SH3GLB1: variants seen among roughly 807,000 people sequenced by gnomAD.
SH3GLB1 encodes endophilin-B1.
A neutral mutation model predicts 42.0 loss-of-function variants in SH3GLB1; 17 were observed. That is an observed-to-expected ratio of 0.40 (90% CI 0.28 to 0.61). The LOEUF is 0.61. Among genes scored for constraint, SH3GLB1 ranks in the 20% least tolerant of loss-of-function variants. SH3GLB1 has a pLI of 0.36. For synonymous variants in SH3GLB1, 132 were observed against 146.6 expected (o/e 0.90, Z 0.72); for missense variants, 355 against 426.3 (o/e 0.83, Z 1.47).
At chr1:86,709,032 A>T (rs1266905043) in intron 1 of SH3GLB1, among the ~76,000 whole-genome samples, 1 of 152,238 alleles carries the variant, frequency 6.6e-6, no homozygotes, top group South Asian at 2.1e-4. Context: ...TTTTTTAAAG[A>T]TATAGCTTCA....
chr1:86,738,039 T>G (rs1390537372), intron 7 of SH3GLB1, among the ~76,000 whole-genome samples: 1 of 152,068 alleles, frequency 6.6e-6, no homozygotes, highest in Admixed American at 6.6e-5. Context: ...AGCTGAAGAG[T>G]GACATAATTT....
intron 7 of SH3GLB1, among the ~76,000 whole-genome samples, chr1:86,740,932 A>C (rs1200169293): frequency 1.3e-5 from 2 of 152,092 alleles, no homozygotes; most frequent in Admixed American, 1.3e-4. Context: ...AAGAGTTGGG[A>C]ATGATACAAT....
In SH3GLB1 at chr1:86,712,854, C is replaced by T. The variant is rs192298312; in HGVS notation, c.73-2870C>T. On this transcript the variant is annotated intron_variant, in intron 1 of 8. Transcript: ENST00000370558. ...CTTCCTCAGACTCATACAAATAAAT[C>T]ACTTGGTGCAAATACCCATCTTTGC... Among the ~76,000 whole-genome samples the T allele has an allele frequency of 2.2e-4, 33 of 151,778 alleles. No homozygotes were observed. The East Asian group carries it at 5.6e-3, about 26-fold the overall frequency.
intron 1 of SH3GLB1, among the ~76,000 whole-genome samples, chr1:86,713,733 C>G (rs975673167): frequency 6.6e-6 from 1 of 152,192 alleles, no homozygotes; most frequent in Admixed American, 6.5e-5. Context: ...CTCCTGCTCT[C>G]CCTCTTCCTC....
Position 86,719,588 on chromosome 1 carries a change from AATAT to A in SH3GLB1, c.299_302del (p.Tyr100Ter). ...ATAAACAACCCAGAACTTTTGGGAC[AATAT>A]ATGATTGATGCAGGGACTGAGTTTG... On this transcript the variant is annotated frameshift_variant, in exon 3 of 9. Transcript: ENST00000370558. LOFTEE classifies it high-confidence loss of function. 6.2e-7 allele frequency: 1 copy of A among 1,611,708 alleles called. No homozygotes were observed. The highest frequency in any genetic ancestry group is 8.5e-7 in the Non-Finnish European group (1 of 1,178,822).
chr1:86,731,365 C>G (rs190471574), intron 5 of SH3GLB1, among the ~76,000 whole-genome samples: 3 of 152,226 alleles, frequency 2.0e-5, no homozygotes, highest in South Asian at 4.2e-4. Flanking sequence ...ATTTTACAGT[C>G]TGTTTTATGC....
chr1:86,716,606 C>T (rs1407841012), intron 2 of SH3GLB1, among the ~76,000 whole-genome samples: 1 of 152,174 alleles, frequency 6.6e-6, no homozygotes, highest in African/African-American at 2.4e-5. Context: ...TACATTTTCA[C>T]ATAAATTATT....
At chr1:86,732,234 G>A (rs913047221) in intron 5 of SH3GLB1, among the ~76,000 whole-genome samples, 1 of 152,100 alleles carries the variant, frequency 6.6e-6, no homozygotes, top group Non-Finnish European at 1.5e-5. Context: ...TTGATATCGT[G>A]GGCCAACAGA....
intron 7 of SH3GLB1, among the ~76,000 whole-genome samples, chr1:86,739,105 CA>C (rs1421857377): frequency 1.3e-5 from 2 of 152,140 alleles, no homozygotes; most frequent in Non-Finnish European, 1.5e-5. Context: ...GTCTCTTAAA[CA>C]TTTAAGTGGA....
At chr1:86,729,989 C>A in intron 5 of SH3GLB1, 1 of 1,132,012 alleles carries the variant, frequency 8.8e-7, no homozygotes, top group Non-Finnish European at 1.3e-6. Context: ...AAAGAGTATG[C>A]CATTTAAACA....
At chr1:86,741,299 G>T in intron 7 of SH3GLB1, among the ~76,000 whole-genome samples, 1 of 152,104 alleles carries the variant, frequency 6.6e-6, no homozygotes, top group East Asian at 1.9e-4. Flanking sequence ...CTAGTTTAAT[G>T]AATTTATTAA....
chr1:86,722,165 C>CTT (rs11364051), intron 3 of SH3GLB1, among the ~76,000 whole-genome samples: 12 of 138,550 alleles, frequency 8.7e-5, no homozygotes, highest in African/African-American at 1.8e-4. Context: ...CTCAGCCATC[C>CTT]TTTTTTTTTT....
intron 5 of SH3GLB1, chr1:86,730,149 A>G (rs1273698191): frequency 6.4e-7 from 1 of 1,571,348 alleles, no homozygotes; most frequent in African/African-American, 1.4e-5. Context: ...TGAAACAAGA[A>G]TTTAGTTGAC....
At chr1:86,733,043 T>G (rs1655593575) in intron 5 of SH3GLB1, among the ~76,000 whole-genome samples, 1 of 152,162 alleles carries the variant, frequency 6.6e-6, no homozygotes, top group African/African-American at 2.4e-5. Context: ...TATGTAATAT[T>G]GATGTGATTG....
At chr1:86,705,766 C>T (rs1653826369) in intron 1 of SH3GLB1, among the ~76,000 whole-genome samples, 1 of 152,212 alleles carries the variant, frequency 6.6e-6, no homozygotes, top group Admixed American at 6.5e-5. Flanking sequence ...AGTCATCACC[C>T]ATGTTATGCC....
intron 7 of SH3GLB1, 100 bp from the exon 8 acceptor site, chr1:86,742,108 A>G (rs1275332137): frequency 2.6e-6 from 2 of 759,320 alleles, no homozygotes; most frequent in Non-Finnish European, 4.4e-6. Context: ...AATCTTTTCC[A>G]ATGTGAAGGT....
intron 1 of SH3GLB1, among the ~76,000 whole-genome samples, chr1:86,714,714 CA>C (rs1434864108): frequency 6.6e-6 from 1 of 152,146 alleles, no homozygotes; most frequent in Non-Finnish European, 1.5e-5. Flanking sequence ...ACTGTTTTGT[CA>C]GCCAGAAGTG....
intron 2 of SH3GLB1, among the ~76,000 whole-genome samples, chr1:86,719,264 AAAT>A (rs1036104237): frequency 2.0e-5 from 3 of 152,212 alleles, no homozygotes; most frequent in Non-Finnish European, 4.4e-5. Context: ...TAGAATACTC[AAAT>A]AATAATTTTA....
At chr1:86,722,227 A>G (rs528726971) in intron 3 of SH3GLB1, among the ~76,000 whole-genome samples, 11 of 151,006 alleles carry the variant, frequency 7.3e-5, no homozygotes, top group Non-Finnish European at 1.6e-4. Context: ...TGCAGAACCC[A>G]TAGATACAGA....
Sources: gnomAD v4.1 joint callset for allele counts (sites outside exome capture counted in the v4.1 genomes callset) on GRCh38, gnomAD v4.1.1 for gene constraint, MANE v1.5 for transcripts, NCBI Gene and HGNC (gene_info 2026-07-23, HGNC 2026-07-21) for gene names.